Variants in IDUA observed in about 807,000 individuals in gnomAD.
IDUA encodes iduronidase alpha-L-.
IDUA carries 65 observed loss-of-function variants against 68.9 expected under a neutral mutation model. The observed-to-expected ratio is 0.94, with a 90% CI of 0.77 to 1.16. IDUA has a LOEUF of 1.16. Ranked by LOEUF, IDUA falls within the 50% of genes most tolerant of loss-of-function variation. The probability of loss-of-function intolerance (pLI) is 0.00; values close to 1 mark genes in which losing one functional copy is unlikely to be tolerated. For synonymous variants in IDUA, 529 were observed against 433.6 expected (o/e 1.22, Z -2.73); for missense variants, 1,046 against 938.0 (o/e 1.12, Z -1.50).
intron 2 of IDUA, chr4:989,322 C>T (rs1258873667): frequency 6.2e-7 from 1 of 1,609,860 alleles, no homozygotes; most frequent in South Asian, 1.1e-5. Flanking sequence ...CAAAGCGGAA[C>T]ACCCGCACGC....
chr4:1,002,522 C>T, intron 8 of IDUA, 37 bp downstream of exon 8: 1 of 1,451,724 alleles, frequency 6.9e-7, no homozygotes, highest in Non-Finnish European at 9.0e-7. Context: ...GGCCAGGGCC[C>T]TCCAGGCTGG....
At chr4:1,001,017 G>T (rs1036306392) in intron 4 of IDUA, 28 bp downstream of exon 4, 1 of 1,513,986 alleles carries the variant, frequency 6.6e-7, no homozygotes, top group African/African-American at 1.4e-5. Context: ...CTGGGGCCCT[G>T]GCCGGGGCGG....
At chr4:999,118 TGGTG>T (rs1560544464) in intron 2 of IDUA, among the ~76,000 whole-genome samples, 1 of 149,922 alleles carries the variant, frequency 6.7e-6, no homozygotes, top group Non-Finnish European at 1.5e-5. Flanking sequence ...GGCAGGAGAA[TGGTG>T]TGAACCCGGG....
intron 2 of IDUA, among the ~76,000 whole-genome samples, chr4:993,944 C>T (rs566300320): frequency 2.0e-5 from 3 of 152,344 alleles, no homozygotes; most frequent in East Asian, 1.9e-4. Flanking sequence ...GTCAAGGTGC[C>T]GTGACTGGCC....
rs1553917483 is a variant in IDUA, at chr4:1,003,158, G to A, written c.1524+1G>A. ...GTTCCGGCGCATGCGCGCGGCTGAGGTAGGTGGGCCGCGGAGGGGCGAGGG... is the reference window on the plus strand; with the variant it reads ...GTTCCGGCGCATGCGCGCGGCTGAGATAGGTGGGCCGCGGAGGGGCGAGGG... On this transcript the variant is annotated splice_donor_variant, in intron 10 of 13. Transcript: ENST00000514224. LOFTEE classifies it high-confidence loss of function. The A allele has an allele frequency of 2.2e-6, 3 of 1,393,000 alleles. No individual in the cohort carries two copies. The highest frequency in any genetic ancestry group is 1.5e-5 in the African/African-American group (1 of 66,738). The allele number at this position is 1,393,000 out of a possible 1,614,324, so 86.3% of individuals were successfully genotyped here.
intron 2 of IDUA, among the ~76,000 whole-genome samples, chr4:996,788 G>A (rs1036108647): frequency 1.1e-4 from 17 of 152,148 alleles, no homozygotes; most frequent in Admixed American, 7.2e-4. Context: ...GCCAGGCCCA[G>A]AGGCTGAGTG....
rs368553582 is a variant in IDUA, at chr4:1,001,752, C to G, written c.663C>G (p.Pro221=). ...GCCCCGCCCTGCGGCTGGGAGGCCCCGGCGACTCCTTCCACACCCCACCGC... is the reference window on the plus strand; with the variant it reads ...GCCCCGCCCTGCGGCTGGGAGGCCCGGGCGACTCCTTCCACACCCCACCGC... ...AASPALRLGG[P]GDSFHTPPRS... The change falls in exon 6 of 14, where the codon CCC becomes CCG. Residue 221 remains proline, a synonymous_variant. Coordinates refer to ENST00000514224, the MANE Select transcript of IDUA (RefSeq NM_000203.5). The G allele has an allele frequency of 2.3e-4, 374 of 1,597,568 alleles. No individual in the cohort carries two copies. The highest frequency in any genetic ancestry group is 2.9e-4 in the Non-Finnish European group (340 of 1,177,312).
Position 1,004,310 on chromosome 4 carries a change from G to A in IDUA, c.1879G>A (p.Ala627Thr). 6.2e-7 allele frequency: 1 copy of A among 1,611,370 alleles called. No individual in the cohort carries two copies. The change falls in exon 14 of 14, where the codon GCC becomes ACC. Residue 627 changes from alanine (A) to threonine (T), a missense_variant. Transcript: ENST00000514224. The surrounding 1 kb of genome is among the most constrained non-coding windows in gnomAD (Gnocchi z 5.0). ...CCGAGTTCGAGCCCTGGACTACTGG[G>A]CCCGACCAGGCCCCTTCTCGGACCC... ...SYRVRALDYW[A>T]RPGPFSDPVP...
At chr4:998,827 C>G (rs1056056895) in intron 2 of IDUA, among the ~76,000 whole-genome samples, 1 of 151,258 alleles carries the variant, frequency 6.6e-6, no homozygotes, top group African/African-American at 2.4e-5. Context: ...TCATCAGTCC[C>G]TCTGCTCACA....
At chr4:1,003,717 G>T (rs549961177) in intron 12 of IDUA, 92 bp downstream of exon 12, 2 of 1,416,766 alleles carry the variant, frequency 1.4e-6, no homozygotes, top group East Asian at 4.7e-5. Context: ...CGGGCCACTT[G>T]CCGTGGCCCA....
chr4:989,965 G>A lies in IDUA; in HGVS notation c.299+2016G>A, dbSNP rs202242030. ...TGGGACCTGAGGGGGCATGAAACCC[G>A]TGGGGATGTCGCCAGCCACGCTCGA... On this transcript the variant is annotated intron_variant, in intron 2 of 13. Transcript: ENST00000514224. 327 of 1,556,550 alleles carry A rather than the reference G, an allele frequency of 2.1e-4. No homozygotes were observed. Among genetic ancestry groups the A allele is most frequent in the African/African-American group, 2.8e-4 (21 of 73,702 alleles).
Position 1,002,500 on chromosome 4 carries a change from C to G in IDUA, c.1189+15C>G. ...GGCGCTGCTGGGTGAGCCGGGGCCG[C>G]TGGGGTGGGCCGGCCAGGGCCCTCC... On this transcript the variant is annotated intron_variant, in intron 8 of 13. Coordinates refer to ENST00000514224, the MANE Select transcript of IDUA (RefSeq NM_000203.5). 1 of 1,511,994 alleles carries G rather than the reference C, an allele frequency of 6.6e-7. No individual in the cohort carries two copies. Among genetic ancestry groups the G allele is most frequent in the Non-Finnish European group, 8.8e-7 (1 of 1,131,844 alleles). 93.7% of individuals were successfully genotyped at this position (1,511,994 alleles called of 1,614,324 possible).
chr4:996,396 G>T, intron 2 of IDUA, among the ~76,000 whole-genome samples: 1 of 152,202 alleles, frequency 6.6e-6, no homozygotes, highest in East Asian at 1.9e-4. Context: ...TACAGCAGGG[G>T]TGGGGCACCT....
intron 2 of IDUA, among the ~76,000 whole-genome samples, chr4:994,499 A>G (rs544673399): frequency 6.3e-4 from 82 of 130,502 alleles, no homozygotes; most frequent in Middle Eastern, 4.7e-3. Context: ...GTACAGTGGC[A>G]TGATCTCGGC....
At chr4:998,352 G>T (rs935577720) in intron 2 of IDUA, among the ~76,000 whole-genome samples, 2 of 152,178 alleles carry the variant, frequency 1.3e-5, no homozygotes, top group African/African-American at 4.8e-5. Context: ...TGTGGAGCTG[G>T]GGGTGCTGTG....
chr4:1,000,628 G>A lies in IDUA; in HGVS notation c.316G>A (p.Gly106Ser), dbSNP rs574025652. 10 of 1,612,640 alleles carry A rather than the reference G, an allele frequency of 6.2e-6. No homozygotes were observed. In the South Asian group the frequency reaches 1.1e-4, roughly 18 times the overall value. The change falls in exon 3 of 14, where the codon GGC (glycine) becomes AGC (serine). Residue 106 changes from glycine (G) to serine (S), a missense_variant. By Grantham distance (56) the Gly-to-Ser change is moderately conservative. Coordinates refer to ENST00000514224, the MANE Select transcript of IDUA (RefSeq NM_000203.5). ...LVTTRGSTGRGLSYNFTHLDG... is the reference protein window; with the variant it reads ...LVTTRGSTGRSLSYNFTHLDG... ...CTTCTGCAGGGGGTCCACTGGACGG[G>A]GCCTGAGCTACAACTTCACCCACCT...
intron 1 of IDUA, 52 bp from the exon 2 acceptor site, chr4:987,757 G>A (rs1713849948): frequency 1.2e-6 from 2 of 1,608,842 alleles, no homozygotes; most frequent in South Asian, 1.1e-5. Flanking sequence ...TGTCAGCCGC[G>A]CTGCCAGCCA....
intron 2 of IDUA, among the ~76,000 whole-genome samples, chr4:996,975 C>A (rs533142055): frequency 7.9e-5 from 12 of 152,322 alleles, no homozygotes; most frequent in Admixed American, 7.8e-4. Flanking sequence ...CTCCTGAACC[C>A]CCCTCCCGCC....
At chr4:994,392 C>T (rs1271854989) in intron 2 of IDUA, among the ~76,000 whole-genome samples, 10 of 151,936 alleles carry the variant, frequency 6.6e-5, no homozygotes, top group African/African-American at 9.7e-5. Flanking sequence ...TCTCCTGCCT[C>T]AGCCTCCTGA....
Sources: gnomAD v4.1 joint callset for allele counts (sites outside exome capture counted in the v4.1 genomes callset) on GRCh38, gnomAD v4.1.1 for gene constraint, Gnocchi (gnomAD v3.1) non-coding constraint, MANE v1.5 for transcripts, NCBI Gene and HGNC (gene_info 2026-07-23, HGNC 2026-07-21) for gene names.